The following DNAH6 variants were observed in gnomAD, a reference collection of about 807,000 sequenced individuals.
DNAH6 encodes axonemal beta dynein heavy chain 6.
Under a neutral mutation model 491.4 loss-of-function variants are expected in DNAH6, and 340 were observed. The ratio of observed to expected loss-of-function variants is 0.69; its 90% CI spans 0.63 to 0.76. DNAH6 has a LOEUF of 0.76. Ranked by LOEUF, DNAH6 falls within the 30% of genes least tolerant of loss-of-function variation. The pLI, the probability that DNAH6 is intolerant of heterozygous loss-of-function variation, is 0.00. For missense variants in DNAH6, 4,443 were observed against 4,972.2 expected, an observed-to-expected ratio of 0.89 and a Z score of 3.20; for synonymous variants, 1,603 against 1,686.1, an observed-to-expected ratio of 0.95 and a Z score of 1.21.
chr2:84,611,732 C>G lies in DNAH6; in HGVS notation c.3353C>G (p.Pro1118Arg). The G allele has an allele frequency of 6.4e-7, 1 of 1,551,120 alleles. No homozygotes were observed. Among genetic ancestry groups the G allele is most frequent in the East Asian group, 2.4e-5 (1 of 40,912 alleles). Residue 1118 changes from proline (P) to arginine (R), a missense_variant, in exon 22 of 77, where the codon CCA becomes CGA. Physicochemically the swap from Pro to Arg is moderately radical, Grantham distance 103 (BLOSUM62 -2). Around this residue, in one of 3 missense-constraint regions of DNAH6, gnomAD observed 2,977 missense variants for 3,296.6 expected, o/e 0.90. Coordinates refer to ENST00000389394, the MANE Select transcript of DNAH6 (RefSeq NM_001370.2). ...TACCTAGAAAGTATTTTCAATGCTC[C>G]AGACATTCAGAGGCAATTGCCTGCA... ...WLYLESIFNA[P>R]DIQRQLPAEA... is the part of the protein sequence containing the mutation.
chr2:84,759,163 G>A (rs1270961231), intron 63 of DNAH6, among the ~76,000 whole-genome samples: 2 of 151,604 alleles, frequency 1.3e-5, no homozygotes, highest in Non-Finnish European at 2.9e-5. Flanking sequence ...TAATGATCTA[G>A]CTGAGAATGA....
intron 16 of DNAH6, among the ~76,000 whole-genome samples, chr2:84,590,512 A>AG (rs1346210542): frequency 2.4e-3 from 363 of 149,686 alleles, no homozygotes; most frequent in Non-Finnish European, 4.2e-3. Context: ...AAAAAAAAAA[A>AG]AAAAAAGCTA....
At chr2:84,520,564 C>G (rs1229883546) in intron 2 of DNAH6, among the ~76,000 whole-genome samples, 2 of 151,996 alleles carry the variant, frequency 1.3e-5, no homozygotes, top group Non-Finnish European at 2.9e-5. Context: ...TTCTGTTCCT[C>G]TCCCTCCTCA....
At chr2:84,683,442 G>C (rs1465926492) in intron 42 of DNAH6, among the ~76,000 whole-genome samples, 4 of 69,250 alleles carry the variant, frequency 5.8e-5, no homozygotes, top group African/African-American at 2.6e-4. Flanking sequence ...TTTTTTTTGA[G>C]ATAGAGTTTC....
intron 14 of DNAH6, among the ~76,000 whole-genome samples, chr2:84,581,722 G>A (rs1274974448): frequency 6.6e-6 from 1 of 152,188 alleles, no homozygotes; most frequent in African/African-American, 2.4e-5. Flanking sequence ...GTTGAAAGTT[G>A]ATGAACTCTA....
chr2:84,668,810 CTGTG>C (rs766203821), intron 37 of DNAH6, among the ~76,000 whole-genome samples: 17 of 120,972 alleles, frequency 1.4e-4, no homozygotes, highest in Non-Finnish European at 2.2e-4. Context: ...AGCCATCCCT[CTGTG>C]TGTGTGTGTG....
intron 21 of DNAH6, among the ~76,000 whole-genome samples, chr2:84,609,989 G>A (rs1359651137): frequency 6.6e-6 from 1 of 152,122 alleles, no homozygotes; most frequent in South Asian, 2.1e-4. Flanking sequence ...AGGAGTTCAG[G>A]CATGGTTTAA....
chr2:84,671,128 G>A (rs185946356), intron 39 of DNAH6, among the ~76,000 whole-genome samples: 1 of 152,240 alleles, frequency 6.6e-6, no homozygotes, highest in African/African-American at 2.4e-5. Context: ...GGAATGGGAG[G>A]AGAAGAAGGA....
intron 58 of DNAH6, among the ~76,000 whole-genome samples, chr2:84,717,449 A>G (rs1490640420): frequency 6.6e-6 from 1 of 152,210 alleles, no homozygotes. Context: ...CTCTGGAGCC[A>G]GCAGACCCAG....
intron 64 of DNAH6, among the ~76,000 whole-genome samples, chr2:84,770,438 T>G (rs956794147): frequency 6.6e-6 from 1 of 151,916 alleles, no homozygotes; most frequent in African/African-American, 2.4e-5. Context: ...GCTCATACAG[T>G]TAAAGGAAAC....
intron 42 of DNAH6, among the ~76,000 whole-genome samples, chr2:84,684,036 G>A (rs1323376659): frequency 2.0e-5 from 3 of 152,184 alleles, no homozygotes; most frequent in African/African-American, 7.2e-5. Context: ...CTCCCGATCT[G>A]AAGGCTCTGT....
At chr2:84,799,010 C>G (rs1161370743) in intron 70 of DNAH6, among the ~76,000 whole-genome samples, 1 of 139,420 alleles carries the variant, frequency 7.2e-6, no homozygotes, top group Non-Finnish European at 1.5e-5. Flanking sequence ...TTTTTTGAGA[C>G]GGAGTCTCGC....
At chr2:84,506,107 A>G in the DNAH6 span, among the ~76,000 whole-genome samples, 1 of 152,204 alleles carries the variant, frequency 6.6e-6, no homozygotes, top group Non-Finnish European at 1.5e-5. Context: ...TAGTATTTCT[A>G]GTTCTAGATC....
intron 63 of DNAH6, chr2:84,750,690 T>A (rs569167585): frequency 2.0e-5 from 3 of 152,338 alleles, no homozygotes; most frequent in Non-Finnish European, 4.4e-5. Flanking sequence ...TCTCTCATTT[T>A]ATATTTACTT....
intron 16 of DNAH6, among the ~76,000 whole-genome samples, chr2:84,590,922 G>C (rs996697829): frequency 3.9e-5 from 6 of 152,168 alleles, no homozygotes; most frequent in African/African-American, 1.4e-4. Context: ...ATTATGGACA[G>C]GAAAGGTCCC....
At chr2:84,807,860 C>T (rs1350719144) in intron 71 of DNAH6, among the ~76,000 whole-genome samples, 1 of 152,182 alleles carries the variant, frequency 6.6e-6, no homozygotes, top group Non-Finnish European at 1.5e-5. Context: ...ATTACATCCT[C>T]TTCCCTCTCA....
chr2:84,680,276 G>A (rs1045993088), intron 41 of DNAH6, among the ~76,000 whole-genome samples: 13 of 152,220 alleles, frequency 8.5e-5, no homozygotes, highest in Middle Eastern at 3.4e-3. Flanking sequence ...ATGCATTCTC[G>A]TGGCTTCTCC....
chr2:84,745,932 G>A (rs75942560), intron 63 of DNAH6, among the ~76,000 whole-genome samples: 5,505 of 152,208 alleles, frequency 0.036, 151 homozygotes, highest in South Asian at 0.062. Flanking sequence ...GTTTGAAGAT[G>A]AAAGAAGTTA....
At chr2:84,682,600 G>GA (rs1558903201) in intron 42 of DNAH6, among the ~76,000 whole-genome samples, 1 of 152,084 alleles carries the variant, frequency 6.6e-6, no homozygotes, top group African/African-American at 2.4e-5. Flanking sequence ...TGTCTAAATG[G>GA]AACTCTTGCT....
Sources: gnomAD v4.1 joint callset for allele counts (sites outside exome capture counted in the v4.1 genomes callset) on GRCh38, gnomAD v4.1.1 for gene constraint, gnomAD v4.1.1 regional missense constraint, MANE v1.5 for transcripts, NCBI Gene and HGNC (gene_info 2026-07-23, HGNC 2026-07-21) for gene names.